The following CACUL1 variants were observed in gnomAD, a reference collection of about 807,000 sequenced individuals.
CACUL1 encodes CDK2 associated cullin domain 1, also known as CDK2-associated and cullin domain-containing protein 1.
CACUL1 carries 13 observed loss-of-function variants against 45.2 expected under a neutral mutation model. The ratio of observed to expected loss-of-function variants is 0.29; its 90% confidence interval spans 0.19 to 0.46. The LOEUF (loss-of-function observed/expected upper bound fraction) is 0.46. Ranked by LOEUF, CACUL1 falls within the 20% of genes least tolerant of loss-of-function variation. CACUL1 has a pLI of 1.00. For synonymous variants in CACUL1, 197 were observed against 174.2 expected, an observed-to-expected ratio of 1.13 and a Z score of -1.03; for missense variants, 421 against 471.4, an observed-to-expected ratio of 0.89 and a Z score of 0.99.
intron 1 of CACUL1, among the ~76,000 whole-genome samples, chr10:118,752,155 A>C (rs1330876106): frequency 2.0e-5 from 3 of 152,026 alleles, no homozygotes; most frequent in Admixed American, 2.0e-4. Flanking sequence ...TTTATACCTT[A>C]TTTTTTTGCT....
intron 4 of CACUL1, among the ~76,000 whole-genome samples, chr10:118,706,671 T>C (rs370955839): frequency 2.0e-4 from 31 of 152,368 alleles, no homozygotes; most frequent in African/African-American, 2.4e-4. Flanking sequence ...ACCAGTTTCT[T>C]TGGCATTACA....
At chr10:118,686,285 T>TA (rs5788313) in intron 8 of CACUL1, 117 bp from the exon 9 acceptor site, 13,740 of 878,004 alleles carry the variant, frequency 0.016, 189 homozygotes, top group African/African-American at 0.051. Flanking sequence ...AAAAAAGGCT[T>TA]AAAAAAAATC....
intron 3 of CACUL1, among the ~76,000 whole-genome samples, chr10:118,715,279 T>C (rs970803577): frequency 6.6e-6 from 1 of 152,226 alleles, no homozygotes; most frequent in African/African-American, 2.4e-5. Context: ...AGATTTGATA[T>C]ACATACCACA....
At chr10:118,711,469 G>T (rs891741536) in intron 3 of CACUL1, among the ~76,000 whole-genome samples, 2 of 152,158 alleles carry the variant, frequency 1.3e-5, no homozygotes, top group Admixed American at 6.5e-5. Context: ...TATAACTAAT[G>T]AACGGAATCA....
chr10:118,684,780 C>T lies in CACUL1; in HGVS notation c.*1348G>A, dbSNP rs989859634. The T allele has an allele frequency of 1.3e-5, 2 of 152,182 alleles. No individual in the cohort carries two copies. The highest frequency in any genetic ancestry group is 4.8e-5 in the African/African-American group (2 of 41,434). The allele number at this position is 152,182 out of a possible 1,614,324, so 9.4% of individuals were successfully genotyped here. A position where few individuals can be genotyped will look rare whatever the true frequency, so the allele number is the denominator to read the frequency against. On this transcript the variant is annotated 3_prime_UTR_variant, in exon 9 of 9. Coordinates refer to ENST00000369151, the MANE Select transcript of CACUL1 (RefSeq NM_153810.5). The stretch of plus-strand genomic sequence containing the variant: ...CAGCATCCCTGGGATGTTTCTTTTC[C>T]CCTCAAGTTCTCTGAAGAGGTAAAT...
rs965020048 is a variant in CACUL1, at chr10:118,726,435, G to A, written c.597+2860C>T. The A allele has an allele frequency of 1.7e-5, 11 of 660,546 alleles. No individual in the cohort carries two copies. In the African/African-American group the frequency reaches 2.1e-4, roughly 13 times the overall value. 40.9% of individuals were successfully genotyped at this position (660,546 alleles called of 1,614,324 possible). A position where few individuals can be genotyped will look rare whatever the true frequency, so the allele number is the denominator to read the frequency against. ...AGGATAAAAAGACAAACACGATAGA[G>A]TCCCTCCCCCTCAAGGAAGGGCCTG... On this transcript the variant is annotated intron_variant, in intron 3 of 8. Coordinates refer to ENST00000369151, the MANE Select transcript of CACUL1 (RefSeq NM_153810.5).
At chr10:118,699,713 C>T (rs1255313003) in intron 5 of CACUL1, among the ~76,000 whole-genome samples, 1 of 151,690 alleles carries the variant, frequency 6.6e-6, no homozygotes, top group African/African-American at 2.4e-5. Flanking sequence ...GACGCGATCT[C>T]GGCTCACTGC....
chr10:118,686,312 G>A lies in CACUL1; in HGVS notation c.1070-144C>T. On this transcript the variant is annotated intron_variant, in intron 8 of 8. Coordinates refer to ENST00000369151, the MANE Select transcript of CACUL1 (RefSeq NM_153810.5). ...AAAAAAATCCTCAAAACCATGTGGG[G>A]TGGAGGGAAGTAAAAGGGGACTGAG... 4.2e-6 allele frequency: 3 copies of A among 715,180 alleles called. No homozygotes were observed. In the Middle Eastern group the frequency reaches 7.2e-4, roughly 172 times the overall value. The allele number at this position is 715,180 out of a possible 1,614,324, so 44.3% of individuals were successfully genotyped here.
chr10:118,691,494 A>T, intron 6 of CACUL1, 91 bp from the exon 7 acceptor site: 1 of 1,202,910 alleles, frequency 8.3e-7, no homozygotes, highest in Non-Finnish European at 1.2e-6. Context: ...AATATATAGT[A>T]AGCCAAATTT....
rs1490468964 is a variant in CACUL1 at position 118,678,678 on chromosome 10, A to G, written c.*7450T>C. 1.3e-5 allele frequency: 2 copies of G among 151,732 alleles called. No homozygotes were observed. The highest frequency in any genetic ancestry group is 4.8e-5 in the African/African-American group (2 of 41,250). The allele number at this position is 151,732 out of a possible 1,614,324, so 9.4% of individuals were successfully genotyped here. A position where few individuals can be genotyped will look rare whatever the true frequency, so the allele number is the denominator to read the frequency against. ...ATTCTTAGGTACTTTTTCTTGTCCT[A>G]TTATAAACAGCATTTCTTAATTACA... On this transcript the variant is annotated 3_prime_UTR_variant, in exon 9 of 9. Transcript: ENST00000369151.
intron 3 of CACUL1, among the ~76,000 whole-genome samples, chr10:118,719,956 T>G (rs1007023536): frequency 1.3e-5 from 2 of 152,232 alleles, no homozygotes; most frequent in Non-Finnish European, 2.9e-5. Flanking sequence ...AGGAGCTATT[T>G]AAGAGCTATA....
chr10:118,698,812 A>G (rs1845348780), intron 5 of CACUL1, among the ~76,000 whole-genome samples: 1 of 152,184 alleles, frequency 6.6e-6, no homozygotes, highest in African/African-American at 2.4e-5. Flanking sequence ...ATGATTTGTT[A>G]TACACCGATA....
At chr10:118,690,616 G>A (rs1452490598) in intron 7 of CACUL1, among the ~76,000 whole-genome samples, 1 of 152,216 alleles carries the variant, frequency 6.6e-6, no homozygotes, top group Non-Finnish European at 1.5e-5. Context: ...AAGCCTCTAT[G>A]CTAGGTTAGT....
intron 3 of CACUL1, among the ~76,000 whole-genome samples, chr10:118,708,655 C>A (rs1188358604): frequency 6.6e-6 from 1 of 152,168 alleles, no homozygotes; most frequent in Middle Eastern, 3.4e-3. Flanking sequence ...TAAGGCTACA[C>A]GAAGTCACAA....
At chr10:118,688,264 C>T (rs1214355811) in intron 7 of CACUL1, among the ~76,000 whole-genome samples, 1 of 152,230 alleles carries the variant, frequency 6.6e-6, no homozygotes, top group Non-Finnish European at 1.5e-5. Context: ...TTTTAAACAC[C>T]TCTGTAGTCA....
chr10:118,713,413 C>T (rs1040495497), intron 3 of CACUL1, among the ~76,000 whole-genome samples: 2 of 152,144 alleles, frequency 1.3e-5, no homozygotes, highest in African/African-American at 2.4e-5. Context: ...AGGCTCTTGC[C>T]GGCTCCATGG....
At chr10:118,716,378 C>T (rs1191507845) in intron 3 of CACUL1, among the ~76,000 whole-genome samples, 3 of 148,890 alleles carry the variant, frequency 2.0e-5, no homozygotes, top group South Asian at 2.1e-4. Flanking sequence ...CTGATTTTAT[C>T]GCCCAACTAT....
intron 4 of CACUL1, among the ~76,000 whole-genome samples, chr10:118,702,646 C>G (rs1385311142): frequency 6.6e-6 from 1 of 150,586 alleles, no homozygotes; most frequent in Non-Finnish European, 1.5e-5. Context: ...CAATGGCACG[C>G]TCTCCACTCA....
intron 1 of CACUL1, among the ~76,000 whole-genome samples, chr10:118,736,885 T>C (rs1845745492): frequency 1.3e-5 from 2 of 152,154 alleles, no homozygotes; most frequent in South Asian, 4.1e-4. Flanking sequence ...TACAGTTGCA[T>C]ACAGTATTCA....
Sources: gnomAD v4.1 joint callset for allele counts (sites outside exome capture counted in the v4.1 genomes callset) on GRCh38, gnomAD v4.1.1 for gene constraint, MANE v1.5 for transcripts, NCBI Gene and HGNC (gene_info 2026-07-23, HGNC 2026-07-21) for gene names.